The following PTPRS variants were observed in gnomAD, a reference collection of about 807,000 sequenced individuals.
PTPRS encodes the protein receptor-type tyrosine-protein phosphatase S.
A neutral mutation model predicts 215.3 loss-of-function variants in PTPRS; 63 were observed. The ratio of observed to expected loss-of-function variants is 0.29; its 90% CI spans 0.24 to 0.36. The LOEUF is 0.36. Among genes scored for constraint, PTPRS ranks in the 10% least tolerant of loss-of-function variants. The pLI is 1.00. For missense variants in PTPRS, 2,258 were observed against 2,825.8 expected (o/e 0.80, Z 4.56); for synonymous variants, 1,404 against 1,191.4 (o/e 1.18, Z -3.68).
At chr19:5,222,037 A>T in intron 19 of PTPRS, 86 bp downstream of exon 19, 1 of 1,133,648 alleles carries the variant, frequency 8.8e-7, no homozygotes, top group Non-Finnish European at 1.3e-6. Context: ...CTCACTTCAC[A>T]CCAACTCCAA....
At chr19:5,232,757 A>ACAATTGTGG (rs2043123163) in intron 13 of PTPRS, among the ~76,000 whole-genome samples, 1 of 80,756 alleles carries the variant, frequency 1.2e-5, no homozygotes, top group Non-Finnish European at 2.9e-5. Flanking sequence ...GCACCTACTA[A>ACAATTGTGG]TAATTGTGGT....
In PTPRS at chr19:5,240,281, ATGC is replaced by A; in HGVS notation, c.1619_1621del (p.Ser540del). The stretch of plus-strand genomic sequence containing the variant: ...CCGCGGGGGGCTCCAGGACAGCGTG[ATGC>A]TGGTCTCCGACCTGGCCTCGGCCCG... On this transcript the variant is annotated inframe_deletion, in exon 12 of 38. Coordinates refer to ENST00000262963, the MANE Select transcript of PTPRS (RefSeq NM_002850.4). The A allele has an allele frequency of 6.2e-7, 1 of 1,600,570 alleles. No individual in the cohort carries two copies.
chr19:5,272,937 C>T (rs1234315169), intron 4 of PTPRS: 1 of 165,514 alleles, frequency 6.0e-6, no homozygotes, highest in Non-Finnish European at 1.3e-5. Context: ...GTTTGTTCCT[C>T]CTGAGCCACA....
Position 5,216,737 on chromosome 19 carries a change from G to A in PTPRS, c.4079C>T (p.Pro1360Leu), listed in dbSNP as rs753417682. Residue 1360 changes from proline (P) to leucine (L), a missense_variant, in exon 26 of 38, where the codon CCG (proline) becomes CTG (leucine). By Grantham distance (98) the Pro-to-Leu change is moderately conservative (BLOSUM62 -3). Around this residue, in one of 6 missense-constraint regions of PTPRS, gnomAD observed 927 missense variants for 1,125.9 expected, o/e 0.82. Transcript: ENST00000262963. Reference protein sequence around the residue: ...DSGLRSPLREPGFHFESMLSH... With the variant: ...DSGLRSPLRELGFHFESMLSH... Reference sequence around the variant, plus strand: ...GAACTAACTTTCAAAGTGAAACCCCGGCTCCCTGAGGGGGCTCCTGAGGCC... The same window carrying A: ...GAACTAACTTTCAAAGTGAAACCCCAGCTCCCTGAGGGGGCTCCTGAGGCC... The A allele has an allele frequency of 8.2e-6, 13 of 1,577,518 alleles. No homozygotes were observed. The highest frequency in any genetic ancestry group is 5.4e-5 in the Admixed American group (3 of 55,174).
At chr19:5,231,094 G>A (rs540290651) in intron 14 of PTPRS, among the ~76,000 whole-genome samples, 2 of 152,306 alleles carry the variant, frequency 1.3e-5, no homozygotes, top group Admixed American at 6.5e-5. Flanking sequence ...GAGGCTCTGG[G>A]AGCAGATGCT....
At chr19:5,285,974 CCA>C (rs1476222380) in intron 2 of PTPRS, 74 bp downstream of exon 2, 581 of 1,349,356 alleles carry the variant, frequency 4.3e-4, no homozygotes, top group South Asian at 6.3e-4. Flanking sequence ...GGGAGTGTGC[CCA>C]CACACACACA....
intron 29 of PTPRS, 29 bp downstream of exon 29, chr19:5,214,532 G>T: frequency 1.2e-6 from 2 of 1,612,304 alleles, no homozygotes; most frequent in Non-Finnish European, 1.7e-6. Flanking sequence ...ACTGGCAGGG[G>T]CTTGAGGGCC....
intron 28 of PTPRS, 35 bp from the exon 29 acceptor site, chr19:5,214,771 G>T: frequency 6.4e-7 from 1 of 1,571,780 alleles, no homozygotes; most frequent in Non-Finnish European, 8.7e-7. Context: ...GATCTGTGGG[G>T]GCTGTCTTGC....
In PTPRS at chr19:5,229,578, G is replaced by A; in HGVS notation, c.2262C>T (p.Arg754=). The change falls in exon 15 of 38, where the codon CGC becomes CGT. Residue 754 remains arginine, a synonymous_variant. Transcript: ENST00000262963. The stretch of plus-strand genomic sequence containing the variant: ...TGCGCACGTAGTGGACCTGGTAGCC[G>A]CGGATCTGGCCGTGCTGCCGGCCGG... The part of the protein sequence containing the change: ...PAPGRQHGQI[R]GYQVHYVRME... The A allele has an allele frequency of 2.1e-6, 3 of 1,447,898 alleles. No homozygotes were observed. The highest frequency in any genetic ancestry group is 2.7e-6 in the Non-Finnish European group (3 of 1,101,276). 89.7% of individuals were successfully genotyped at this position (1,447,898 alleles called of 1,614,324 possible).
chr19:5,292,430 C>T (rs1375554767), intron 1 of PTPRS, among the ~76,000 whole-genome samples: 6 of 152,190 alleles, frequency 3.9e-5, no homozygotes, highest in African/African-American at 1.4e-4. Context: ...CAGGAAGCCC[C>T]TTGGGGAGGG....
At chr19:5,336,497 C>T (rs1451502342) in intron 1 of PTPRS, among the ~76,000 whole-genome samples, 24 of 152,094 alleles carry the variant, frequency 1.6e-4, no homozygotes, top group Admixed American at 1.5e-3. Flanking sequence ...GCCTCAATCC[C>T]CTTCCAGCAT....
intron 4 of PTPRS, 102 bp from the exon 5 acceptor site, chr19:5,265,298 C>T: frequency 8.8e-7 from 1 of 1,138,818 alleles, no homozygotes; most frequent in Non-Finnish European, 1.2e-6. Flanking sequence ...TCCAGCTCCT[C>T]CCTGGCTGCG....
At chr19:5,319,686 G>A (rs918953065) in intron 1 of PTPRS, among the ~76,000 whole-genome samples, 8 of 151,774 alleles carry the variant, frequency 5.3e-5, no homozygotes, top group Non-Finnish European at 5.9e-5. Context: ...AGGCCTCCTC[G>A]CTGTTCCTCC....
At position 5,257,719 on chromosome 19, in the gene PTPRS, C is replaced by T. The variant is rs2045673438; in HGVS notation, c.706+298G>A. Among the ~76,000 whole-genome samples the T allele has an allele frequency of 6.6e-6, 1 of 152,140 alleles. No individual in the cohort carries two copies. Among genetic ancestry groups the T allele is most frequent in the Non-Finnish European group, 1.5e-5 (1 of 68,014 alleles). On this transcript the variant is annotated intron_variant, in intron 8 of 37. Coordinates refer to ENST00000262963, the MANE Select transcript of PTPRS (RefSeq NM_002850.4). This position sits in a 1 kb window ranked among gnomAD's most constrained non-coding sequence, Gnocchi z 4.4. ...TGGCCCTGTAGGCCCAAGACTGACC[C>T]CCTCACCCTGCCCCACGCCTTCCTA... is the stretch of plus-strand genomic sequence containing the variant.
chr19:5,288,657 GC>G (rs1169248312), intron 1 of PTPRS, among the ~76,000 whole-genome samples: 2 of 152,196 alleles, frequency 1.3e-5, no homozygotes, highest in Non-Finnish European at 2.9e-5. Context: ...AGCTGGGCAG[GC>G]CTGCAGAGAG....
chr19:5,334,823 C>A (rs919254225), intron 1 of PTPRS, among the ~76,000 whole-genome samples: 3 of 152,134 alleles, frequency 2.0e-5, no homozygotes, highest in African/African-American at 7.2e-5. Flanking sequence ...TCCCTCTCTG[C>A]AAAATAGGGC....
intron 26 of PTPRS, among the ~76,000 whole-genome samples, chr19:5,215,931 G>A (rs2041399177): frequency 6.6e-6 from 1 of 152,150 alleles, no homozygotes. Flanking sequence ...CACCCCAGAG[G>A]ATGTCAAGCT....
intron 16 of PTPRS, among the ~76,000 whole-genome samples, chr19:5,228,622 G>A (rs1451041305): frequency 6.6e-6 from 1 of 152,132 alleles, no homozygotes; most frequent in Non-Finnish European, 1.5e-5. Context: ...GGGACTACAG[G>A]CATGAGCCAC....
Position 5,216,746 on chromosome 19 carries a change from AG to A in PTPRS, c.4069del (p.Leu1357SerfsTer59). The A allele has an allele frequency of 1.3e-6, 2 of 1,578,428 alleles. No homozygotes were observed. The highest frequency in any genetic ancestry group is 1.7e-6 in the Non-Finnish European group (2 of 1,161,316). On this transcript the variant is annotated frameshift_variant, in exon 26 of 38. Transcript: ENST00000262963. LOFTEE classifies it high-confidence loss of function. ...TTCAAAGTGAAACCCCGGCTCCCTG[AG>A]GGGGCTCCTGAGGCCTGAATCTGCA... is the stretch of plus-strand genomic sequence containing the variant. ...QTPDSGLRSP[L>X]REPGFHFESM...
Sources: allele counts gnomAD v4.1 joint callset (sites outside exome capture counted in the v4.1 genomes callset), GRCh38; gene constraint gnomAD v4.1.1; regional missense constraint gnomAD v4.1.1; non-coding constraint Gnocchi (gnomAD v3.1); transcripts MANE v1.5; gene names NCBI Gene and HGNC (gene_info 2026-07-23, HGNC 2026-07-21).